Variants in HOMER2 observed in about 807,000 individuals in gnomAD.
The protein encoded by HOMER2 is homer protein homolog 2.
Under a neutral mutation model 47.0 loss-of-function variants are expected in HOMER2, and 27 were observed. The ratio of observed to expected loss-of-function variants is 0.57; its 90% CI spans 0.42 to 0.79. The LOEUF is 0.79. HOMER2 is among the 30% of genes least tolerant of loss of function. The pLI is 0.00. For synonymous variants in HOMER2, 161 were observed against 163.8 expected, an observed-to-expected ratio of 0.98 and a Z score of 0.13; for missense variants, 443 against 435.0, an observed-to-expected ratio of 1.02 and a Z score of -0.16.
intron 1 of HOMER2, among the ~76,000 whole-genome samples, chr15:82,900,257 C>T (rs966948539): frequency 1.3e-5 from 2 of 152,100 alleles, no homozygotes; most frequent in Non-Finnish European, 2.9e-5. Flanking sequence ...CTATGAATTT[C>T]TAATGCATTC....
chr15:82,896,715 C>A (rs1596331882), intron 1 of HOMER2, among the ~76,000 whole-genome samples: 1 of 126,710 alleles, frequency 7.9e-6, no homozygotes, highest in East Asian at 2.0e-4. Context: ...AGCCCCTGGG[C>A]AAACAGGGGA....
chr15:82,934,254 A>G (rs2054088403), intron 1 of HOMER2, among the ~76,000 whole-genome samples: 1 of 151,888 alleles, frequency 6.6e-6, no homozygotes, highest in South Asian at 2.1e-4. Context: ...GCCTGCCTCC[A>G]CGTTACTTTC....
intron 1 of HOMER2, among the ~76,000 whole-genome samples, chr15:82,984,424 T>C (rs1038039894): frequency 3.3e-5 from 5 of 152,238 alleles, no homozygotes; most frequent in African/African-American, 1.2e-4. Context: ...TACTATCCTA[T>C]ATACTTTTGC....
At position 82,892,696 on chromosome 15, in the gene HOMER2, C is replaced by A. The variant is rs1463519917; in HGVS notation, c.151G>T (p.Asp51Tyr). 6.3e-7 allele frequency: 1 copy of A among 1,576,626 alleles called. No individual in the cohort carries two copies. The highest frequency in any genetic ancestry group is 1.2e-5 in the South Asian group (1 of 86,416). Reference sequence around the variant, plus strand: ...TGAGGGGGTGGTACCTTGGCTCCGTCCACACTGATGATCCGATAGCTGTTC... The same window carrying A: ...TGAGGGGGTGGTACCTTGGCTCCGTACACACTGATGATCCGATAGCTGTTC... ...TRNSYRIISV[D>Y]GAKVIINSTI... Residue 51 changes from aspartate to tyrosine, a missense_variant, in exon 2 of 9, where the codon GAC (aspartate) becomes TAC (tyrosine). Asp to Tyr is a radical substitution (Grantham distance 160, BLOSUM62 -3). Transcript: ENST00000450735.
At chr15:82,853,513 C>G (rs1354327169) in intron 6 of HOMER2, among the ~76,000 whole-genome samples, 1 of 152,142 alleles carries the variant, frequency 6.6e-6, no homozygotes. Context: ...TGCAGGGGCC[C>G]TCCAGGTCGG....
intron 1 of HOMER2, among the ~76,000 whole-genome samples, chr15:82,928,348 C>T (rs976616299): frequency 6.6e-6 from 1 of 152,126 alleles, no homozygotes; most frequent in Admixed American, 6.5e-5. Context: ...TTTCTGTTTC[C>T]GCCATGCAAA....
At chr15:82,870,432 C>A (rs1007079995) in intron 3 of HOMER2, among the ~76,000 whole-genome samples, 1 of 152,004 alleles carries the variant, frequency 6.6e-6, no homozygotes, top group African/African-American at 2.4e-5. Flanking sequence ...GCTTTAGAAG[C>A]CATCTTATCA....
intron 1 of HOMER2, among the ~76,000 whole-genome samples, chr15:82,968,849 T>C (rs938628811): frequency 1.3e-5 from 2 of 152,192 alleles, no homozygotes; most frequent in Non-Finnish European, 2.9e-5. Context: ...AGGCTGATCA[T>C]AATCTCAGCT....
chr15:82,906,700 C>T (rs984946519), intron 1 of HOMER2, among the ~76,000 whole-genome samples: 1 of 152,140 alleles, frequency 6.6e-6, no homozygotes, highest in African/African-American at 2.4e-5. Context: ...TCCCAAAGTG[C>T]TAGGATTACA....
chr15:82,966,126 G>C (rs1285675741), intron 1 of HOMER2, among the ~76,000 whole-genome samples: 1 of 152,020 alleles, frequency 6.6e-6, no homozygotes, highest in Non-Finnish European at 1.5e-5. Context: ...CACTTTAGAG[G>C]GTATAACAAA....
At chr15:82,882,180 C>T (rs1567032588) in intron 2 of HOMER2, among the ~76,000 whole-genome samples, 1 of 152,244 alleles carries the variant, frequency 6.6e-6, no homozygotes, top group Admixed American at 6.5e-5. Flanking sequence ...TGGCTCCCAT[C>T]TGTCCAGTGT....
intron 4 of HOMER2, among the ~76,000 whole-genome samples, chr15:82,861,138 T>C (rs142528879): frequency 2.6e-5 from 4 of 152,316 alleles, no homozygotes; most frequent in Non-Finnish European, 4.4e-5. Flanking sequence ...GTTAGAATGG[T>C]GTATTTCTGC....
downstream of HOMER2, chr15:82,846,755 T>G (rs886858725): frequency 6.6e-6 from 1 of 152,184 alleles, no homozygotes; most frequent in African/African-American, 2.4e-5. Context: ...AGGTCTTGTG[T>G]GGATACTGGT....
At chr15:82,965,768 C>T (rs550935160) in intron 1 of HOMER2, among the ~76,000 whole-genome samples, 2 of 144,634 alleles carry the variant, frequency 1.4e-5, no homozygotes, top group African/African-American at 5.1e-5. Flanking sequence ...CCTCAAAGCC[C>T]TTTTTTTTTT....
chr15:82,958,211 T>C (rs543221339), exon 2 of HOMER2: 4 of 152,272 alleles, frequency 2.6e-5, no homozygotes, highest in African/African-American at 9.6e-5. Flanking sequence ...CTAAATATAA[T>C]GTAACCGAGG....
At chr15:82,982,097 T>C (rs1046182039) in intron 1 of HOMER2, among the ~76,000 whole-genome samples, 2 of 152,238 alleles carry the variant, frequency 1.3e-5, no homozygotes, top group African/African-American at 4.8e-5. Flanking sequence ...ATAAATTTCA[T>C]GATGTAACCT....
At chr15:82,892,972 T>C (rs1232451705) in intron 1 of HOMER2, 131 bp from the exon 2 acceptor site, 2 of 661,318 alleles carry the variant, frequency 3.0e-6, no homozygotes, top group African/African-American at 1.8e-5. Context: ...ATGAAGACAA[T>C]TAAAATAAAA....
intron 1 of HOMER2, among the ~76,000 whole-genome samples, chr15:82,973,229 A>C (rs1002253263): frequency 2.0e-5 from 3 of 152,208 alleles, no homozygotes; most frequent in Non-Finnish European, 2.9e-5. Context: ...CCTGCCATCC[A>C]GCTCCTATGT....
intron 1 of HOMER2, among the ~76,000 whole-genome samples, chr15:82,962,689 C>T (rs1054333700): frequency 3.3e-5 from 5 of 151,994 alleles, no homozygotes; most frequent in African/African-American, 1.2e-4. Flanking sequence ...AAAAAAAAGT[C>T]CGGGAAGTGG....
Sources: gnomAD v4.1 joint callset for allele counts (sites outside exome capture counted in the v4.1 genomes callset) on GRCh38, gnomAD v4.1.1 for gene constraint, MANE v1.5 for transcripts, NCBI Gene and HGNC (gene_info 2026-07-23, HGNC 2026-07-21) for gene names.